The following PLD5 variants were observed in gnomAD, a reference collection of about 807,000 sequenced individuals.
PLD5 encodes inactive phospholipase D5.
In PLD5, 36 loss-of-function variants were observed where a neutral mutation model predicts 61.1. The observed-to-expected ratio is 0.59, with a 90% CI of 0.45 to 0.78. PLD5 has a LOEUF of 0.78. PLD5 is among the 30% of genes least tolerant of loss of function. PLD5 has a pLI of 0.00. For synonymous variants in PLD5, 243 were observed against 242.8 expected (o/e 1.00, Z -0.01); for missense variants, 515 against 644.4 (o/e 0.80, Z 2.17).
Position 242,455,045 on chromosome 1 carries a change from G to A in PLD5, c.189+69043C>T, listed in dbSNP as rs965276446. On this transcript the variant is annotated intron_variant, in intron 1 of 9. Transcript: ENST00000536534. ...CTTTTTAATCACCTGTTAAAAATAC[G>A]GGCGTAAATGCCTCCCAGCAGAAAC... Among the ~76,000 whole-genome samples, 13 of 152,172 alleles carry A rather than the reference G, an allele frequency of 8.5e-5. No homozygotes were observed. In the East Asian group the frequency reaches 1.9e-3, roughly 23 times the overall value.
chr1:242,199,615 T>C (rs561871174), intron 5 of PLD5, among the ~76,000 whole-genome samples: 31 of 152,240 alleles, frequency 2.0e-4, no homozygotes, highest in Non-Finnish European at 4.0e-4. Context: ...CGGCCTTCAG[T>C]GTATCCACTG....
At chr1:242,269,355 T>A (rs1673909443) in intron 3 of PLD5, among the ~76,000 whole-genome samples, 1 of 151,220 alleles carries the variant, frequency 6.6e-6, no homozygotes, top group Non-Finnish European at 1.5e-5. Flanking sequence ...TACAGTAGAG[T>A]CGTATGCAGG....
At position 242,211,714 on chromosome 1, in the gene PLD5, A is replaced by AC. The variant is rs943636106; in HGVS notation, c.735+8273dup. On this transcript the variant is annotated intron_variant, in intron 5 of 9. Transcript: ENST00000536534. ...GAACGCTACAAAAGGATCACGATGG[A>AC]CCCCCCGAAAATGAAGGTGAAAAAG... 7.2e-5 allele frequency among the ~76,000 whole-genome samples: 11 copies of AC among 152,018 alleles called. No individual in the cohort carries two copies. The South Asian group carries it at 8.3e-4, about 12-fold the overall frequency.
At chr1:242,353,072 C>G (rs1421796405) in intron 1 of PLD5, among the ~76,000 whole-genome samples, 1 of 152,026 alleles carries the variant, frequency 6.6e-6, no homozygotes, top group Non-Finnish European at 1.5e-5. Flanking sequence ...GCCTTTGTTG[C>G]CTGTGCTTTC....
intron 1 of PLD5, among the ~76,000 whole-genome samples, chr1:242,458,587 T>C (rs1269241826): frequency 2.0e-5 from 3 of 152,210 alleles, no homozygotes; most frequent in Non-Finnish European, 4.4e-5. Flanking sequence ...GTGTTATAAG[T>C]AAATCCACCT....
At chr1:242,515,217 T>A (rs575962856) in intron 1 of PLD5, among the ~76,000 whole-genome samples, 11 of 151,844 alleles carry the variant, frequency 7.2e-5, no homozygotes, top group South Asian at 2.1e-4. Context: ...TGTGTGTGTG[T>A]GTGAGAGAGA....
intron 1 of PLD5, among the ~76,000 whole-genome samples, chr1:242,402,863 G>A (rs975113174): frequency 4.6e-5 from 7 of 152,184 alleles, no homozygotes; most frequent in African/African-American, 1.7e-4. Flanking sequence ...TTGGCAAATA[G>A]ATATAGAATC....
intron 5 of PLD5, among the ~76,000 whole-genome samples, chr1:242,146,350 C>T (rs1331990108): frequency 2.0e-5 from 3 of 152,076 alleles, no homozygotes; most frequent in Non-Finnish European, 2.9e-5. Flanking sequence ...ATAATACAAC[C>T]AGTAAGTAGC....
At chr1:242,120,676 A>C (rs924386892) in intron 6 of PLD5, among the ~76,000 whole-genome samples, 1 of 152,218 alleles carries the variant, frequency 6.6e-6, no homozygotes, top group African/African-American at 2.4e-5. Context: ...ACAAGAAATG[A>C]AATCTGTCTA....
chr1:242,095,493 A>T lies in PLD5; in HGVS notation c.1354+5175T>A, dbSNP rs1447007213. Among the ~76,000 whole-genome samples the T allele has an allele frequency of 6.6e-5, 10 of 151,704 alleles. 1 individual carries two copies. The highest frequency in any genetic ancestry group is 6.6e-4 in the Admixed American group (10 of 15,244). On this transcript the variant is annotated intron_variant, in intron 9 of 9. Transcript: ENST00000536534. The stretch of plus-strand genomic sequence containing the variant: ...GTGATCCACCTGCCTCAGACTCCCA[A>T]AGTGCTGGGATTATAGGTGTGAGCC...
At chr1:242,335,974 C>T (rs1558475599) in intron 2 of PLD5, among the ~76,000 whole-genome samples, 2 of 152,134 alleles carry the variant, frequency 1.3e-5, no homozygotes. Context: ...GTCTCATATG[C>T]TGATGTTTTA....
intron 5 of PLD5, among the ~76,000 whole-genome samples, chr1:242,209,817 TG>T (rs1365356115): frequency 6.6e-6 from 1 of 152,198 alleles, no homozygotes; most frequent in East Asian, 1.9e-4. Flanking sequence ...ATCTTTGAGA[TG>T]GAGTCTCACT....
Position 242,411,394 on chromosome 1 carries a change from C to T in PLD5, c.190-63152G>A, listed in dbSNP as rs571622658. On this transcript the variant is annotated intron_variant, in intron 1 of 9. Coordinates refer to ENST00000536534, the MANE Select transcript of PLD5 (RefSeq NM_001372062.1). Reference sequence around the variant, plus strand: ...GGGACTACAGGCGCCCGCCACCACGCCCGGCTAATTTTTTGTATTTTTAGT... The same window carrying T: ...GGGACTACAGGCGCCCGCCACCACGTCCGGCTAATTTTTTGTATTTTTAGT... Among the ~76,000 whole-genome samples, 64 of 152,308 alleles carry T rather than the reference C, an allele frequency of 4.2e-4. No homozygotes were observed. In the Middle Eastern group the frequency reaches 0.014, roughly 32 times the overall value.
chr1:242,299,095 A>T (rs1675882880), intron 2 of PLD5, among the ~76,000 whole-genome samples: 1 of 135,056 alleles, frequency 7.4e-6, no homozygotes, highest in South Asian at 2.3e-4. Flanking sequence ...ATGTAATTAT[A>T]TTATTACCTC....
rs146750695 is a variant in PLD5, at chr1:242,279,529, T to C, written c.495+8833A>G. ...GTCTACCTGAAAAATATGTGTATTTTTCTGTCTCTCATTTTTTTTTTTCGA... is the reference window on the plus strand; with the variant it reads ...GTCTACCTGAAAAATATGTGTATTTCTCTGTCTCTCATTTTTTTTTTTCGA... On this transcript the variant is annotated intron_variant, in intron 3 of 9. Transcript: ENST00000536534. Among the ~76,000 whole-genome samples the C allele has an allele frequency of 6.6e-4, 100 of 151,774 alleles. 2 individuals carry two copies. The East Asian group carries it at 0.02, about 30-fold the overall frequency.
chr1:242,508,678 G>A lies in PLD5; in HGVS notation c.189+15410C>T, dbSNP rs184917072. 2.9e-4 allele frequency among the ~76,000 whole-genome samples: 44 copies of A among 152,088 alleles called. No homozygotes were observed. The East Asian group carries it at 6.2e-3, about 21-fold the overall frequency. On this transcript the variant is annotated intron_variant, in intron 1 of 9. Transcript: ENST00000536534. ...CATATCAACTTCTTTCCTTCATCTC[G>A]ATACCAATCCTGTGACGGTTATTCT...
At position 242,389,272 on chromosome 1, in the gene PLD5, C is replaced by A. The variant is rs142544858; in HGVS notation, c.190-41030G>T. ...ATTATTTATAAATCTTAAATGCTAGCCCCCTGGTATACATGTTACCTTGTG... is the reference window on the plus strand; with the variant it reads ...ATTATTTATAAATCTTAAATGCTAGACCCCTGGTATACATGTTACCTTGTG... On this transcript the variant is annotated intron_variant, in intron 1 of 9. Transcript: ENST00000536534. 4.8e-3 allele frequency among the ~76,000 whole-genome samples: 728 copies of A among 152,116 alleles called. 5 individuals carry two copies. The highest frequency in any genetic ancestry group is 0.016 in the African/African-American group (680 of 41,504).
chr1:242,100,478 C>T (rs1660595760), intron 9 of PLD5, among the ~76,000 whole-genome samples, 190 bp downstream of exon 9: 1 of 152,136 alleles, frequency 6.6e-6, no homozygotes, highest in African/African-American at 2.4e-5. Context: ...ATAAATCAGG[C>T]CATGGAAGAG....
At chr1:242,173,779 C>A (rs1225438386) in intron 5 of PLD5, among the ~76,000 whole-genome samples, 1 of 151,946 alleles carries the variant, frequency 6.6e-6, no homozygotes, top group South Asian at 2.1e-4. Flanking sequence ...ACAAACCTGA[C>A]AAAAACAAGA....
Sources: gnomAD v4.1 joint callset for allele counts (sites outside exome capture counted in the v4.1 genomes callset) on GRCh38, gnomAD v4.1.1 for gene constraint, MANE v1.5 for transcripts, NCBI Gene and HGNC (gene_info 2026-07-23, HGNC 2026-07-21) for gene names.